COL23A1: variants seen among roughly 807,000 people sequenced by gnomAD.
The protein encoded by COL23A1 is collagen alpha-1(XXIII) chain.
COL23A1 carries 97 observed loss-of-function variants against 99.3 expected under a neutral mutation model. That is an observed-to-expected ratio of 0.98 (90% confidence interval 0.83 to 1.16). The LOEUF (loss-of-function observed/expected upper bound fraction) is 1.16, where lower values mean the gene tolerates loss of function less well. Among genes scored for constraint, COL23A1 ranks in the 50% most tolerant of loss-of-function variants. The pLI is 0.00. For missense variants in COL23A1, 762 were observed against 757.4 expected, an observed-to-expected ratio of 1.01 and a Z score of -0.07; for synonymous variants, 320 against 308.2, an observed-to-expected ratio of 1.04 and a Z score of -0.40.
At chr5:178,521,281 C>T (rs1360062885) in intron 2 of COL23A1, among the ~76,000 whole-genome samples, 13 of 152,044 alleles carry the variant, frequency 8.6e-5, no homozygotes, top group South Asian at 2.1e-4. Context: ...TGGCCGGGCG[C>T]GGTGGCTCAC....
chr5:178,546,301 C>G (rs1013366552), intron 2 of COL23A1, among the ~76,000 whole-genome samples: 1 of 152,208 alleles, frequency 6.6e-6, no homozygotes, highest in African/African-American at 2.4e-5. Context: ...TCCGGAACCA[C>G]CCTGCACCCC....
At chr5:178,582,067 T>TTC (rs1763687307) in intron 1 of COL23A1, among the ~76,000 whole-genome samples, 1 of 151,416 alleles carries the variant, frequency 6.6e-6, no homozygotes, top group Non-Finnish European at 1.5e-5. Context: ...GGGGAACAGG[T>TTC]GCAGTAGCTT....
intron 2 of COL23A1, among the ~76,000 whole-genome samples, chr5:178,539,562 A>G (rs555153676): frequency 0.013 from 1,905 of 150,860 alleles, 46 homozygotes; most frequent in African/African-American, 0.044. Context: ...AAAAAAAAAA[A>G]AAAAAAGAAA....
At chr5:178,315,418 C>T (rs1758925097) in intron 2 of COL23A1, among the ~76,000 whole-genome samples, 1 of 152,180 alleles carries the variant, frequency 6.6e-6, no homozygotes. Flanking sequence ...CTGAGATGTA[C>T]AAGATTGGCC....
At chr5:178,369,276 C>T (rs2910117) in intron 2 of COL23A1, among the ~76,000 whole-genome samples, 50,800 of 151,926 alleles carry the variant, frequency 0.33, 10,671 homozygotes, top group East Asian at 0.74. Flanking sequence ...TGTTCCCCCC[C>T]ACACCACCCT....
rs375249030 is a variant in COL23A1 at position 178,263,257 on chromosome 5, G to C, written c.590C>G (p.Pro197Arg). The C allele has an allele frequency of 1.2e-4, 197 of 1,613,302 alleles. 1 individual carries two copies. Among genetic ancestry groups the C allele is most frequent in the Non-Finnish European group, 1.6e-4 (192 of 1,179,824 alleles). ...GPPGPPGARG[P>R]PGDTGKDGPR... ...GCCATCTTTCCCAGTGTCGCCAGGA[G>C]GGCCCCGGGCCCCAGGAGGTCCAGG... is the stretch of plus-strand genomic sequence containing the variant. Residue 197 changes from proline (P) to arginine (R), a missense_variant, in exon 9 of 29, where the codon CCT becomes CGT. Coordinates refer to ENST00000390654, the MANE Select transcript of COL23A1 (RefSeq NM_173465.4).
chr5:178,540,259 G>A (rs2113322530), intron 2 of COL23A1, among the ~76,000 whole-genome samples: 1 of 152,262 alleles, frequency 6.6e-6, no homozygotes, highest in East Asian at 1.9e-4. Flanking sequence ...TATGGTAGAA[G>A]ATACATGGAA....
chr5:178,424,302 C>T (rs1471307645), intron 2 of COL23A1, among the ~76,000 whole-genome samples: 1 of 152,260 alleles, frequency 6.6e-6, no homozygotes, highest in Non-Finnish European at 1.5e-5. Context: ...GTTAAAACAT[C>T]TTCGCCGCAT....
intron 3 of COL23A1, among the ~76,000 whole-genome samples, chr5:178,303,486 T>C (rs1161667030): frequency 6.6e-6 from 1 of 152,238 alleles, no homozygotes; most frequent in African/African-American, 2.4e-5. Flanking sequence ...TTTGCTCCTT[T>C]ATGGAGAAGA....
chr5:178,407,779 GAACA>G (rs35244859), intron 2 of COL23A1, among the ~76,000 whole-genome samples: 2,207 of 151,716 alleles, frequency 0.015, 56 homozygotes, highest in African/African-American at 0.051. Flanking sequence ...TATCCAAACT[GAACA>G]AACAGAGAGA....
At chr5:178,300,514 T>C (rs1340231060) in intron 3 of COL23A1, among the ~76,000 whole-genome samples, 1 of 152,140 alleles carries the variant, frequency 6.6e-6, no homozygotes, top group Non-Finnish European at 1.5e-5. Flanking sequence ...GAGCATCCCT[T>C]TTCTGTGATA....
At chr5:178,311,765 C>CT (rs1758703846) in intron 2 of COL23A1, among the ~76,000 whole-genome samples, 2 of 144,730 alleles carry the variant, frequency 1.4e-5, no homozygotes, top group South Asian at 4.4e-4. Flanking sequence ...GAGTCTCACT[C>CT]TGTTGCCCAG....
intron 2 of COL23A1, among the ~76,000 whole-genome samples, chr5:178,408,199 A>G (rs2127775820): frequency 6.6e-6 from 1 of 152,372 alleles, no homozygotes; most frequent in East Asian, 1.9e-4. Flanking sequence ...CTCAAAGAAA[A>G]CACAAAATTC....
chr5:178,453,658 T>C (rs1192504565), intron 2 of COL23A1, among the ~76,000 whole-genome samples: 1 of 152,208 alleles, frequency 6.6e-6, no homozygotes, highest in Non-Finnish European at 1.5e-5. Flanking sequence ...TTCAATTCAT[T>C]GGTTCCTTCA....
intron 2 of COL23A1, among the ~76,000 whole-genome samples, chr5:178,557,989 T>C (rs1045250061): frequency 6.6e-6 from 1 of 151,814 alleles, no homozygotes; most frequent in Non-Finnish European, 1.5e-5. Flanking sequence ...CCTACCAGGA[T>C]GGCCTCCATC....
At chr5:178,478,309 G>T (rs888011866) in intron 2 of COL23A1, among the ~76,000 whole-genome samples, 23 of 152,208 alleles carry the variant, frequency 1.5e-4, no homozygotes, top group Non-Finnish European at 2.1e-4. Flanking sequence ...GAGGGGTTGA[G>T]ACACCTGGGA....
rs1223542330 is a variant in COL23A1, at chr5:178,523,201, T to TATATATATATAGAG, written c.361+37480_361+37481insCTCTATATATATAT. On this transcript the variant is annotated intron_variant, in intron 2 of 28. Transcript: ENST00000390654. ...ATACACATATATATATATATATATA[T>TATATATATATAGAG]AGAGAGAGAGAGAGAGAGAGAGAGA... Among the ~76,000 whole-genome samples, 491 of 77,490 alleles carry TATATATATATAGAG rather than the reference T, an allele frequency of 6.3e-3. 3 individuals carry two copies. Among genetic ancestry groups the TATATATATATAGAG allele is most frequent in the Non-Finnish European group, 1.0e-2 (395 of 39,568 alleles). 50.8% of individuals were successfully genotyped at this position (77,490 alleles called of 152,430 possible). A position where few individuals can be genotyped will look rare whatever the true frequency, so the allele number is the denominator to read the frequency against.
intron 2 of COL23A1, among the ~76,000 whole-genome samples, chr5:178,513,434 T>A (rs978537886): frequency 6.6e-6 from 1 of 152,196 alleles, no homozygotes; most frequent in Non-Finnish European, 1.5e-5. Flanking sequence ...ACTTTTTTAG[T>A]GGCTTAAAAC....
At chr5:178,441,579 G>A (rs962320144) in intron 2 of COL23A1, among the ~76,000 whole-genome samples, 4 of 152,070 alleles carry the variant, frequency 2.6e-5, no homozygotes, top group Admixed American at 1.3e-4. Context: ...GGGGGGATGC[G>A]GGGCTAGAGT....
Sources: allele counts gnomAD v4.1 joint callset (sites outside exome capture counted in the v4.1 genomes callset), GRCh38; gene constraint gnomAD v4.1.1; transcripts MANE v1.5; gene names NCBI Gene and HGNC (gene_info 2026-07-23, HGNC 2026-07-21).